Variants in SLC39A11 observed in about 807,000 individuals in gnomAD.
The protein encoded by SLC39A11 is solute carrier family 39 member 11.
Under a neutral mutation model 36.1 loss-of-function variants are expected in SLC39A11, and 33 were observed. The ratio of observed to expected loss-of-function variants is 0.91; its 90% CI spans 0.69 to 1.22. The LOEUF (loss-of-function observed/expected upper bound fraction) is 1.22, where lower values mean the gene tolerates loss of function less well. Among genes scored for constraint, SLC39A11 ranks in the 50% most tolerant of loss-of-function variants. The pLI is 0.00. For missense variants in SLC39A11, 432 were observed against 430.3 expected (o/e 1.00, Z -0.03); for synonymous variants, 166 against 170.3 (o/e 0.97, Z 0.20).
At chr17:72,771,609 G>C (rs2075948653) in intron 6 of SLC39A11, among the ~76,000 whole-genome samples, 1 of 151,992 alleles carries the variant, frequency 6.6e-6, no homozygotes, top group South Asian at 2.1e-4. Context: ...ACACAGCAGG[G>C]ACAAGACAGG....
intron 7 of SLC39A11, among the ~76,000 whole-genome samples, chr17:72,652,677 C>T (rs1170424471): frequency 6.6e-6 from 1 of 152,232 alleles, no homozygotes; most frequent in African/African-American, 2.4e-5. Context: ...AGCCAAAACT[C>T]ATTCCTCTGC....
rs1404133025 is a variant in SLC39A11, at chr17:72,729,430, TATATATATATA to T, written c.671+7209_671+7219del. Among the ~76,000 whole-genome samples the T allele has an allele frequency of 5.7e-3, 18 of 3,178 alleles. 2 individuals carry two copies. Among genetic ancestry groups the T allele is most frequent in the African/African-American group, 9.6e-3 (10 of 1,040 alleles). The allele number at this position is 3,178 out of a possible 152,430, so 2.1% of individuals were successfully genotyped here. On this transcript the variant is annotated intron_variant, in intron 7 of 9. Transcript: ENST00000255559. ...TTATATATATATATATATATATATA[TATATATATATA>T]TATATATATATATATATTTTTTTTT...
intron 5 of SLC39A11, among the ~76,000 whole-genome samples, chr17:72,871,962 A>G (rs1357278517): frequency 6.6e-6 from 1 of 152,156 alleles, no homozygotes; most frequent in Admixed American, 6.5e-5. Flanking sequence ...GGCAGAATTG[A>G]ATTCAATTGT....
At chr17:72,722,811 T>C (rs1462711922) in intron 7 of SLC39A11, among the ~76,000 whole-genome samples, 1 of 151,958 alleles carries the variant, frequency 6.6e-6, no homozygotes, top group Non-Finnish European at 1.5e-5. Context: ...ATTTTTGTAT[T>C]TTTTAGTAGA....
intron 4 of SLC39A11, among the ~76,000 whole-genome samples, chr17:72,995,138 T>C (rs555013372): frequency 1.1e-3 from 174 of 152,328 alleles, no homozygotes; most frequent in Non-Finnish European, 1.9e-3. Flanking sequence ...GTTGAATGAC[T>C]GGCCCCAGTT....
At chr17:72,756,009 C>T (rs1198100212) in intron 6 of SLC39A11, among the ~76,000 whole-genome samples, 3 of 152,196 alleles carry the variant, frequency 2.0e-5, no homozygotes, top group Admixed American at 1.3e-4. Context: ...TAGCACCTCA[C>T]ACCCATTAGG....
At chr17:72,719,422 T>A (rs1422105370) in intron 7 of SLC39A11, among the ~76,000 whole-genome samples, 2 of 152,232 alleles carry the variant, frequency 1.3e-5, no homozygotes, top group Non-Finnish European at 2.9e-5. Flanking sequence ...CCAGTGCTCC[T>A]GAGCTGCCTT....
chr17:72,947,359 A>C (rs2085496755), intron 5 of SLC39A11, among the ~76,000 whole-genome samples: 1 of 152,062 alleles, frequency 6.6e-6, no homozygotes, highest in Admixed American at 6.6e-5. Context: ...GTAAATCAAA[A>C]AGATGTAAAT....
chr17:72,742,980 A>G (rs2074774329), intron 6 of SLC39A11, among the ~76,000 whole-genome samples: 1 of 152,128 alleles, frequency 6.6e-6, no homozygotes, highest in South Asian at 2.1e-4. Flanking sequence ...TGTCCCCAAA[A>G]TTTTCTTCTA....
chr17:72,921,722 T>C (rs1188928421), intron 5 of SLC39A11, among the ~76,000 whole-genome samples: 1 of 151,428 alleles, frequency 6.6e-6, no homozygotes, highest in Non-Finnish European at 1.5e-5. Flanking sequence ...CTAATTCCTT[T>C]TATTTCCACT....
At chr17:73,031,415 C>T in intron 4 of SLC39A11, 141 bp downstream of exon 4, 2 of 880,814 alleles carry the variant, frequency 2.3e-6, no homozygotes, top group Non-Finnish European at 3.4e-6. Flanking sequence ...ATCAGTTCCT[C>T]TAATGCCTTG....
At chr17:72,759,252 G>A (rs1448985754) in intron 6 of SLC39A11, among the ~76,000 whole-genome samples, 13 of 151,434 alleles carry the variant, frequency 8.6e-5, no homozygotes, top group African/African-American at 3.2e-4. Flanking sequence ...TTTTTGTGGA[G>A]CCAAAAAAAA....
chr17:73,009,914 T>C (rs1308020317), intron 4 of SLC39A11, among the ~76,000 whole-genome samples: 1 of 147,424 alleles, frequency 6.8e-6, no homozygotes, highest in Non-Finnish European at 1.5e-5. Context: ...CAGGCCCCAG[T>C]GTGTGATGTT....
chr17:72,919,231 G>A (rs527779271), intron 5 of SLC39A11, among the ~76,000 whole-genome samples: 44 of 151,910 alleles, frequency 2.9e-4, no homozygotes, highest in African/African-American at 9.2e-4. Flanking sequence ...AGAGTGTGCC[G>A]AAAGACAGTC....
At chr17:72,671,763 T>A (rs2071032485) in intron 7 of SLC39A11, among the ~76,000 whole-genome samples, 1 of 152,078 alleles carries the variant, frequency 6.6e-6, no homozygotes, top group Non-Finnish European at 1.5e-5. Flanking sequence ...ATTTACTTCA[T>A]AAGTAAATCA....
chr17:72,802,746 GA>G (rs1299823215), intron 6 of SLC39A11, among the ~76,000 whole-genome samples: 1 of 152,178 alleles, frequency 6.6e-6, no homozygotes, highest in Admixed American at 6.5e-5. Context: ...CTGGACAGTA[GA>G]GAGCCACTCA....
At chr17:72,986,350 G>A (rs2088755292) in intron 4 of SLC39A11, among the ~76,000 whole-genome samples, 1 of 152,186 alleles carries the variant, frequency 6.6e-6, no homozygotes, top group Non-Finnish European at 1.5e-5. Flanking sequence ...CAAACTGGTG[G>A]TTGCCAAGCC....
intron 6 of SLC39A11, among the ~76,000 whole-genome samples, chr17:72,837,360 C>CAAAAAAAAAAAAAAAAAAAAAAAAA (rs34639176): frequency 1.1e-5 from 1 of 91,134 alleles, no homozygotes; most frequent in African/African-American, 3.9e-5. Flanking sequence ...GTATATTGCT[C>CAAAAAAAAAAAAAAAAAAAAAAAAA]AAAAAAAAAA....
At chr17:72,751,117 G>A (rs550516588) in intron 6 of SLC39A11, among the ~76,000 whole-genome samples, 50 of 152,238 alleles carry the variant, frequency 3.3e-4, no homozygotes, top group African/African-American at 1.1e-3. Flanking sequence ...GCGTGGTGGT[G>A]GGCGCTTGTA....
Sources: allele counts gnomAD v4.1 joint callset (sites outside exome capture counted in the v4.1 genomes callset), GRCh38; gene constraint gnomAD v4.1.1; transcripts MANE v1.5; gene names NCBI Gene and HGNC (gene_info 2026-07-23, HGNC 2026-07-21).